VAV2: variants seen among roughly 807,000 people sequenced by gnomAD.
The protein encoded by VAV2 is vav guanine nucleotide exchange factor 2, also known as guanine nucleotide exchange factor VAV2.
A neutral mutation model predicts 132.5 loss-of-function variants in VAV2; 67 were observed. The ratio of observed to expected loss-of-function variants is 0.51; its 90% CI spans 0.42 to 0.62. The LOEUF is 0.62. VAV2 is among the 20% of genes least tolerant of loss of function. The probability of loss-of-function intolerance (pLI) is 0.00; values close to 1 mark genes in which losing one functional copy is unlikely to be tolerated. For synonymous variants in VAV2, 492 were observed against 443.5 expected (o/e 1.11, Z -1.37); for missense variants, 938 against 1,153.6 (o/e 0.81, Z 2.71).
At chr9:133,936,886 C>A (rs1840931468) in intron 2 of VAV2, among the ~76,000 whole-genome samples, 1 of 152,208 alleles carries the variant, frequency 6.6e-6, no homozygotes. Flanking sequence ...GACAAGAAGC[C>A]CCTTCTGCAG....
At position 133,791,215 on chromosome 9, in the gene VAV2, C is replaced by T. The variant is rs758558302; in HGVS notation, c.1188+568G>A. On this transcript the variant is annotated intron_variant, in intron 13 of 29. Coordinates refer to ENST00000371850, the MANE Select transcript of VAV2 (RefSeq NM_001134398.2). ...GCGCATCCCCTCTCCCCAGGCAGGA[C>T]GAGGTGACTGACTCGGTAGCCCAAG... Among the ~76,000 whole-genome samples, 23 of 152,300 alleles carry T rather than the reference C, an allele frequency of 1.5e-4. 1 individual carries two copies. The highest frequency in any genetic ancestry group is 1.2e-3 in the South Asian group (6 of 4,828).
At chr9:133,813,319 C>G (rs757027520) in intron 4 of VAV2, among the ~76,000 whole-genome samples, 1 of 152,218 alleles carries the variant, frequency 6.6e-6, no homozygotes, top group Non-Finnish European at 1.5e-5. Flanking sequence ...CGCAGGGAGG[C>G]GAGGCAGGGA....
In VAV2 at chr9:133,802,007, A is replaced by C. The variant is rs1834946394; in HGVS notation, c.836+4074T>G. ...TTGCGGTCATTGTTACAGCCAAGCC[A>C]GGTCACTCACACAGACGCCTTCACC... On this transcript the variant is annotated intron_variant, in intron 9 of 29. Transcript: ENST00000371850. The surrounding 1 kb of genome is among the most constrained non-coding windows in gnomAD (Gnocchi z 5.8). Among the ~76,000 whole-genome samples, 1 of 152,090 alleles carries C rather than the reference A, an allele frequency of 6.6e-6. No homozygotes were observed. Among genetic ancestry groups the C allele is most frequent in the Non-Finnish European group, 1.5e-5 (1 of 68,016 alleles).
intron 20 of VAV2, 35 bp downstream of exon 20, chr9:133,780,658 TG>T: frequency 8.0e-7 from 1 of 1,255,294 alleles, no homozygotes; most frequent in African/African-American, 1.7e-5. Context: ...GTGGCGGGGG[TG>T]GGGCAGAGGG....
chr9:133,799,065 G>T (rs75006569), intron 9 of VAV2, among the ~76,000 whole-genome samples: 1 of 152,248 alleles, frequency 6.6e-6, no homozygotes, highest in African/African-American at 2.4e-5. Flanking sequence ...TGGGCCTGTA[G>T]CCTGGCTTCT....
Position 133,834,368 on chromosome 9 carries a change from G to A in VAV2, c.381-28C>T, listed in dbSNP as rs1836380987. On this transcript the variant is annotated intron_variant, in intron 3 of 29. Coordinates refer to ENST00000371850, the MANE Select transcript of VAV2 (RefSeq NM_001134398.2). This position sits in a 1 kb window ranked among gnomAD's most constrained non-coding sequence, Gnocchi z 5.9. ...GCGGAAGAGAAGGCGAGAGGGAGGT[G>A]AGCAGGTCCCGGCACTGCCGGCCAG... 5 of 1,606,496 alleles carry A rather than the reference G, an allele frequency of 3.1e-6. No homozygotes were observed. Among genetic ancestry groups the A allele is most frequent in the South Asian group, 1.1e-5 (1 of 89,760 alleles).
rs1256252554 is a variant in VAV2 at position 133,868,021 on chromosome 9, G to GGACA, written c.322-6593_322-6590dup. Among the ~76,000 whole-genome samples, 12 of 152,352 alleles carry GGACA rather than the reference G, an allele frequency of 7.9e-5. No individual in the cohort carries two copies. In the South Asian group the frequency reaches 1.7e-3, roughly 21 times the overall value. On this transcript the variant is annotated intron_variant, in intron 2 of 29. Coordinates refer to ENST00000371850, the MANE Select transcript of VAV2 (RefSeq NM_001134398.2). ...CCACCCAAGGCCCCAAGTGCACCTC[G>GGACA]GACAGACAGACCAGGAGACTTGGAG... is the stretch of plus-strand genomic sequence containing the variant.
intron 2 of VAV2, among the ~76,000 whole-genome samples, chr9:133,900,989 G>A (rs34734044): frequency 0.088 from 13,245 of 151,298 alleles, 700 homozygotes; most frequent in Admixed American, 0.12. Flanking sequence ...TAGTAGAGAC[G>A]GGGTTTCACC....
chr9:133,886,028 C>T (rs1479884776), intron 2 of VAV2, among the ~76,000 whole-genome samples: 1 of 152,210 alleles, frequency 6.6e-6, no homozygotes, highest in Non-Finnish European at 1.5e-5. Context: ...GTCCCATCTC[C>T]GTACTGACAG....
intron 2 of VAV2, among the ~76,000 whole-genome samples, chr9:133,936,778 C>T (rs1024599801): frequency 7.9e-5 from 12 of 152,202 alleles, no homozygotes; most frequent in Non-Finnish European, 1.5e-4. Flanking sequence ...TGGTCCAAAC[C>T]CGCCGTCTAC....
intron 2 of VAV2, among the ~76,000 whole-genome samples, chr9:133,874,004 T>G (rs1208862652): frequency 2.0e-5 from 3 of 151,940 alleles, no homozygotes; most frequent in Admixed American, 6.5e-5. Context: ...TTTTATTCCC[T>G]CAAAACCCCC....
chr9:133,926,392 C>T lies in VAV2; in HGVS notation c.321+12711G>A. ...AGGGCGCCAGCCCCCGGCAGCCCAGCAGGTGCTAAGTTATTATTACTAATT... is the reference window on the plus strand; with the variant it reads ...AGGGCGCCAGCCCCCGGCAGCCCAGTAGGTGCTAAGTTATTATTACTAATT... On this transcript the variant is annotated intron_variant, in intron 2 of 29. Coordinates refer to ENST00000371850, the MANE Select transcript of VAV2 (RefSeq NM_001134398.2). This position sits in a 1 kb window ranked among gnomAD's most constrained non-coding sequence, Gnocchi z 4.3. 6.6e-6 allele frequency: 1 copy of T among 152,496 alleles called. No homozygotes were observed. The highest frequency in any genetic ancestry group is 1.5e-5 in the Non-Finnish European group (1 of 68,172). The allele number at this position is 152,496 out of a possible 1,614,324, so 9.4% of individuals were successfully genotyped here.
At chr9:133,869,663 A>G (rs944179484) in intron 2 of VAV2, among the ~76,000 whole-genome samples, 4 of 152,168 alleles carry the variant, frequency 2.6e-5, no homozygotes, top group African/African-American at 9.7e-5. Context: ...ACTGGCGACC[A>G]TGTGATGAGC....
In VAV2 at chr9:133,834,769, G is replaced by T. The variant is rs906397287; in HGVS notation, c.381-429C>A. Among the ~76,000 whole-genome samples, 3 of 152,198 alleles carry T rather than the reference G, an allele frequency of 2.0e-5. No individual in the cohort carries two copies. Among genetic ancestry groups the T allele is most frequent in the Non-Finnish European group, 4.4e-5 (3 of 68,028 alleles). On this transcript the variant is annotated intron_variant, in intron 3 of 29. Transcript: ENST00000371850. The surrounding 1 kb of genome is among the most constrained non-coding windows in gnomAD (Gnocchi z 5.9). ...TGGGAGGGCTGCCAGCTCAGTCCAC[G>T]CAGGAGAGGAAGCAGGAGGGGACTC...
intron 1 of VAV2, among the ~76,000 whole-genome samples, chr9:133,971,919 C>A (rs892112737): frequency 6.6e-6 from 1 of 152,170 alleles, no homozygotes; most frequent in Non-Finnish European, 1.5e-5. Context: ...ATCCCCGAGC[C>A]CTTGGTCACT....
intron 2 of VAV2, among the ~76,000 whole-genome samples, chr9:133,889,863 GAAGACCCCACAGCTTCCATGAAAA>G (rs1468276681): frequency 6.6e-6 from 1 of 152,164 alleles, no homozygotes; most frequent in Non-Finnish European, 1.5e-5. Context: ...ATACAAGGCT[GAAGACCCCACAGCTTCCATGAAAA>G]AAGAACTCCA....
intron 1 of VAV2, among the ~76,000 whole-genome samples, chr9:133,970,648 C>G (rs1168403210): frequency 6.6e-6 from 1 of 152,208 alleles, no homozygotes; most frequent in African/African-American, 2.4e-5. Flanking sequence ...CTTCGAAGCC[C>G]AGCCCCAGCC....
chr9:133,933,803 GAATGATGGAT>G (rs1840784963), intron 2 of VAV2, among the ~76,000 whole-genome samples: 1 of 149,692 alleles, frequency 6.7e-6, no homozygotes, highest in African/African-American at 2.5e-5. Context: ...GTGGATGGAT[GAATGATGGAT>G]GAATGGATGA....
At chr9:133,779,785 A>G (rs1833941269) in intron 21 of VAV2, 133 bp downstream of exon 21, 1 of 1,248,382 alleles carries the variant, frequency 8.0e-7, no homozygotes. Context: ...GGGGGCCCAG[A>G]TGGCAGCATC....
Sources: allele counts gnomAD v4.1 joint callset (sites outside exome capture counted in the v4.1 genomes callset), GRCh38; gene constraint gnomAD v4.1.1; non-coding constraint Gnocchi (gnomAD v3.1); transcripts MANE v1.5; gene names NCBI Gene and HGNC (gene_info 2026-07-23, HGNC 2026-07-21).